Variants in CEP152 observed in about 807,000 individuals in gnomAD.
CEP152 encodes the protein centrosomal protein 152.
Under a neutral mutation model 188.9 loss-of-function variants are expected in CEP152, and 132 were observed. The ratio of observed to expected loss-of-function variants is 0.70; its 90% CI spans 0.61 to 0.81. The LOEUF (loss-of-function observed/expected upper bound fraction) is 0.81. Ranked by LOEUF, CEP152 falls within the 30% of genes least tolerant of loss-of-function variation. CEP152 has a pLI of 0.00. For missense variants in CEP152, 1,914 were observed against 1,969.8 expected (o/e 0.97, Z 0.54); for synonymous variants, 649 against 666.6 (o/e 0.97, Z 0.41).
chr15:48,749,079 G>A (rs1893687341), intron 21 of CEP152, among the ~76,000 whole-genome samples: 1 of 152,082 alleles, frequency 6.6e-6, no homozygotes, highest in Admixed American at 6.6e-5. Context: ...TCCACTAGCT[G>A]AATCTGGGAC....
chr15:48,759,103 T>C (rs1226489299), intron 19 of CEP152, among the ~76,000 whole-genome samples: 1 of 152,170 alleles, frequency 6.6e-6, no homozygotes, highest in Non-Finnish European at 1.5e-5. Context: ...TAATTTATCA[T>C]GTGTTATCCA....
intron 12 of CEP152, among the ~76,000 whole-genome samples, chr15:48,773,806 A>C (rs774424710): frequency 1.3e-5 from 2 of 152,230 alleles, no homozygotes; most frequent in Non-Finnish European, 2.9e-5. Flanking sequence ...CTTGTGTGTC[A>C]CAGAAAAAGT....
chr15:48,794,181 C>T (rs1210948907), intron 6 of CEP152, among the ~76,000 whole-genome samples: 1 of 151,542 alleles, frequency 6.6e-6, no homozygotes, highest in East Asian at 1.9e-4. Flanking sequence ...ATCTACTCCA[C>T]GAATACATAA....
At position 48,769,087 on chromosome 15, in the gene CEP152, T is replaced by C. The variant is rs1567000560; in HGVS notation, c.1783-6A>G. On this transcript the variant is annotated splice_polypyrimidine_tract_variant and splice_region_variant and intron_variant, in intron 13 of 26. Transcript: ENST00000380950. ...TCTGAGGTATCTGTTTTAGTCTGAA[T>C]ATTAAAAGGTCAAAAGTTTTACAAG... 1.9e-6 allele frequency: 3 copies of C among 1,599,644 alleles called. No homozygotes were observed. Among genetic ancestry groups the C allele is most frequent in the Non-Finnish European group, 2.6e-6 (3 of 1,170,990 alleles).
At chr15:48,748,789 T>A (rs1422708089) in intron 21 of CEP152, among the ~76,000 whole-genome samples, 179 bp from the exon 22 acceptor site, 1 of 151,970 alleles carries the variant, frequency 6.6e-6, no homozygotes, top group African/African-American at 2.4e-5. Context: ...TTCTGCTGCT[T>A]ACTGGCTGTG....
intron 1 of CEP152, 126 bp from the exon 2 acceptor site, chr15:48,805,782 A>C: frequency 1.6e-6 from 2 of 1,273,842 alleles, no homozygotes; most frequent in African/African-American, 3.0e-5. Flanking sequence ...AAATATGTAT[A>C]ACTCAGTTAT....
chr15:48,756,177 C>T lies in CEP152; in HGVS notation c.3071G>A (p.Arg1024His), dbSNP rs199914670. The change falls in exon 20 of 27, where the codon CGT (arginine) becomes CAT (histidine). Residue 1024 changes from arginine (R) to histidine (H), a missense_variant. Arg to His is a conservative substitution (Grantham distance 29). Coordinates refer to ENST00000380950, the MANE Select transcript of CEP152 (RefSeq NM_001194998.2). ...TELQTCLDQSRREWTMQEAKR... is the reference protein window; with the variant it reads ...TELQTCLDQSHREWTMQEAKR... ...GGCTTCCTGCATAGTCCATTCTCTA[C>T]GACTCTGGTCTAGACAAGTTTGTAA... is the stretch of plus-strand genomic sequence containing the variant. The T allele has an allele frequency of 8.9e-5, 143 of 1,613,924 alleles. No individual in the cohort carries two copies. The Admixed American group carries it at 1.2e-3, about 14-fold the overall frequency.
chr15:48,771,494 T>G (rs894521646), intron 13 of CEP152, among the ~76,000 whole-genome samples: 1 of 152,226 alleles, frequency 6.6e-6, no homozygotes, highest in African/African-American at 2.4e-5. Context: ...ACAGGATTTC[T>G]ATGGAGGATT....
chr15:48,791,302 G>T lies in CEP152; in HGVS notation c.907C>A (p.Gln303Lys). ...LFQNGKEREI[Q>K]LEAQIKALET... is the part of the protein sequence containing the mutation. ...AGTGCTTTTATTTGAGCTTCAAGCT[G>T]TATCTCTCTTTCTTTTCCATTCTGA... Residue 303 changes from glutamine (Q) to lysine (K), a missense_variant, in exon 8 of 27, where the codon CAG becomes AAG. Coordinates refer to ENST00000380950, the MANE Select transcript of CEP152 (RefSeq NM_001194998.2). 6.2e-7 allele frequency: 1 copy of T among 1,612,788 alleles called. No homozygotes were observed. Among genetic ancestry groups the T allele is most frequent in the Non-Finnish European group, 8.5e-7 (1 of 1,179,574 alleles).
chr15:48,798,527 G>A (rs1897474058), intron 2 of CEP152, among the ~76,000 whole-genome samples: 1 of 124,016 alleles, frequency 8.1e-6, no homozygotes, highest in African/African-American at 2.7e-5. Flanking sequence ...TGGCCTAGAA[G>A]CTCTTAAATG....
chr15:48,779,365 T>G (rs995806361), intron 12 of CEP152, among the ~76,000 whole-genome samples: 1 of 152,254 alleles, frequency 6.6e-6, no homozygotes, highest in Non-Finnish European at 1.5e-5. Flanking sequence ...CATGTTGATA[T>G]TGGATTTGAT....
Position 48,739,305 on chromosome 15 carries a change from A to G in CEP152, c.4094-17T>C, listed in dbSNP as rs1892796166. ...GGGGCAGTGCTATTATGTGCAAGGAAACACGAAATTAAGAGAAAATTAATA... is the reference window on the plus strand; with the variant it reads ...GGGGCAGTGCTATTATGTGCAAGGAGACACGAAATTAAGAGAAAATTAATA... On this transcript the variant is annotated splice_polypyrimidine_tract_variant and intron_variant, in intron 26 of 26. Coordinates refer to ENST00000380950, the MANE Select transcript of CEP152 (RefSeq NM_001194998.2). 1.3e-6 allele frequency: 2 copies of G among 1,591,058 alleles called. No individual in the cohort carries two copies. The highest frequency in any genetic ancestry group is 1.8e-5 in the Admixed American group (1 of 55,154).
chr15:48,788,123 T>C (rs963513458), intron 9 of CEP152, among the ~76,000 whole-genome samples: 2 of 152,210 alleles, frequency 1.3e-5, no homozygotes, highest in East Asian at 3.8e-4. Flanking sequence ...CAAGGTAACC[T>C]CTCAAGTTCT....
At chr15:48,737,162 T>C (rs1892649271), downstream of CEP152, among the ~76,000 whole-genome samples, 3 of 152,120 alleles carry the variant, frequency 2.0e-5, no homozygotes, top group African/African-American at 7.2e-5. Context: ...TTAGAGATGG[T>C]TATCAGGAGG....
chr15:48,768,165 T>A (rs1351232988), intron 15 of CEP152, 54 bp downstream of exon 15: 1 of 1,008,246 alleles, frequency 9.9e-7, no homozygotes, highest in Non-Finnish European at 1.6e-6. Context: ...GGGCAGGGAC[T>A]TAGAGGGGAA....
chr15:48,755,003 C>T (rs573155097), intron 20 of CEP152, among the ~76,000 whole-genome samples: 1 of 150,944 alleles, frequency 6.6e-6, no homozygotes, highest in Non-Finnish European at 1.5e-5. Flanking sequence ...ATTAGACAAA[C>T]CTTATAATAC....
intron 26 of CEP152, 76 bp from the exon 27 acceptor site, chr15:48,739,364 TAAA>T: frequency 6.9e-7 from 1 of 1,457,714 alleles, no homozygotes; most frequent in Non-Finnish European, 9.0e-7. Flanking sequence ...AACAAAAAAA[TAAA>T]AAAAATTAAA....
intron 7 of CEP152, among the ~76,000 whole-genome samples, chr15:48,792,615 G>A (rs543919529): frequency 3.9e-5 from 6 of 152,118 alleles, no homozygotes; most frequent in Non-Finnish European, 7.4e-5. Context: ...CTAATTTGTA[G>A]CCTCAGGAAA....
chr15:48,748,017 C>T (rs992910387), intron 22 of CEP152, among the ~76,000 whole-genome samples: 3 of 152,132 alleles, frequency 2.0e-5, no homozygotes, highest in South Asian at 4.1e-4. Context: ...ATTAACAATC[C>T]TCTTTCTGAG....
Sources: allele counts gnomAD v4.1 joint callset (sites outside exome capture counted in the v4.1 genomes callset), GRCh38; gene constraint gnomAD v4.1.1; transcripts MANE v1.5; gene names NCBI Gene and HGNC (gene_info 2026-07-23, HGNC 2026-07-21).